The following WDR62 variants were observed in gnomAD, a reference collection of about 807,000 sequenced individuals.
WDR62 encodes WD repeat-containing protein 62.
A neutral mutation model predicts 160.6 loss-of-function variants in WDR62; 112 were observed. The ratio of observed to expected loss-of-function variants is 0.70; its 90% CI spans 0.60 to 0.82. The LOEUF (loss-of-function observed/expected upper bound fraction) is 0.82, where lower values mean the gene tolerates loss of function less well. Among genes scored for constraint, WDR62 ranks in the 40% least tolerant of loss-of-function variants. The probability of loss-of-function intolerance (pLI) is 0.00; values close to 1 mark genes in which losing one functional copy is unlikely to be tolerated. For missense variants in WDR62, 1,819 were observed against 1,983.8 expected, an observed-to-expected ratio of 0.92 and a Z score of 1.58; for synonymous variants, 792 against 815.1, an observed-to-expected ratio of 0.97 and a Z score of 0.48.
At chr19:36,069,524 G>A (rs1971164869) in intron 7 of WDR62, among the ~76,000 whole-genome samples, 1 of 151,970 alleles carries the variant, frequency 6.6e-6, no homozygotes, top group Non-Finnish European at 1.5e-5. Context: ...GCCGAGCAGA[G>A]GGGCTCCTCA....
chr19:36,103,571 C>T lies in WDR62; in HGVS notation c.3743C>T (p.Pro1248Leu), dbSNP rs1274785961. ...EGPIVATLAQ[P>L]LRRPSSVGEL... Reference sequence around the variant, plus strand: ...CCTATCGTGGCCACACTGGCCCAGCCCCTCCGTAGGCCATCGTCCGTTGGG... The same window carrying T: ...CCTATCGTGGCCACACTGGCCCAGCTCCTCCGTAGGCCATCGTCCGTTGGG... Residue 1248 changes from proline to leucine, a missense_variant, in exon 30 of 32, where the codon CCC becomes CTC. By Grantham distance (98) the Pro-to-Leu change is moderately conservative (BLOSUM62 -3). This residue lies in a region of WDR62 where 770 missense variants were observed against 734.2 expected (regional missense o/e 1.05). Transcript: ENST00000401500. The T allele has an allele frequency of 2.5e-6, 4 of 1,613,886 alleles. No homozygotes were observed. The highest frequency in any genetic ancestry group is 3.4e-6 in the Non-Finnish European group (4 of 1,180,024).
intron 8 of WDR62, among the ~76,000 whole-genome samples, chr19:36,073,100 A>C (rs1268812231): frequency 1.3e-5 from 2 of 152,188 alleles, no homozygotes; most frequent in Non-Finnish European, 2.9e-5. Context: ...ATAAATGTTC[A>C]TAGGAATCAA....
At chr19:36,059,200 G>C in intron 2 of WDR62, 1 of 478,934 alleles carries the variant, frequency 2.1e-6, no homozygotes. Context: ...GCTGCTCTCT[G>C]AGCCTCTTCC....
At chr19:36,104,030 G>A in intron 30 of WDR62, 49 bp downstream of exon 30, 1 of 1,595,012 alleles carries the variant, frequency 6.3e-7, no homozygotes, top group Non-Finnish European at 8.5e-7. Flanking sequence ...CATCCTGTGT[G>A]CTAGTTGGCT....
chr19:36,105,506 G>A (rs767032829), downstream of WDR62, among the ~76,000 whole-genome samples: 2 of 151,536 alleles, frequency 1.3e-5, no homozygotes, highest in Non-Finnish European at 2.9e-5. Flanking sequence ...CAAAGTCCAC[G>A]GTGGTGGTGT....
At chr19:36,092,627 A>G in intron 18 of WDR62, 62 bp from the exon 19 acceptor site, 8 of 1,610,282 alleles carry the variant, frequency 5.0e-6, no homozygotes, top group Non-Finnish European at 6.8e-6. Context: ...AGGGTCAGCC[A>G]CGGCAGCGGC....
intron 13 of WDR62, among the ~76,000 whole-genome samples, chr19:36,087,302 C>T (rs146370085): frequency 0.011 from 1,607 of 151,852 alleles, 28 homozygotes; most frequent in African/African-American, 0.037. Context: ...GTCAGGAGTT[C>T]GAGACCAGTC....
In WDR62 at chr19:36,067,899, T is replaced by C. The variant is rs761857746; in HGVS notation, c.771T>C (p.Gly257=). 1 of 1,614,194 alleles carries C rather than the reference T, an allele frequency of 6.2e-7. No individual in the cohort carries two copies. Among genetic ancestry groups the C allele is most frequent in the Non-Finnish European group, 8.5e-7 (1 of 1,180,030 alleles). The change falls in exon 7 of 32, where the codon GGT becomes GGC. Residue 257 remains glycine, a synonymous_variant. Transcript: ENST00000401500. ...AGCTGCACAACAACATCTTCTGTGGTGTGGCCTGCGGTCGGGGCCGGATGG... is the reference window on the plus strand; with the variant it reads ...AGCTGCACAACAACATCTTCTGTGGCGTGGCCTGCGGTCGGGGCCGGATGG... ...LGELHNNIFC[G]VACGRGRMAG... is the part of the protein sequence containing the mutation.
At chr19:36,100,409 C>T (rs1973255521) in intron 22 of WDR62, among the ~76,000 whole-genome samples, 1 of 152,194 alleles carries the variant, frequency 6.6e-6, no homozygotes, top group Non-Finnish European at 1.5e-5. Flanking sequence ...GTGTTTTCTA[C>T]CTCATAGAAA....
intron 21 of WDR62, 91 bp from the exon 22 acceptor site, chr19:36,099,308 A>G (rs770571319): frequency 3.0e-5 from 31 of 1,025,798 alleles, no homozygotes; most frequent in Non-Finnish European, 4.1e-5. Context: ...TTGAAAGCCA[A>G]GAGTCCAGAT....
chr19:36,093,765 C>T lies in WDR62; in HGVS notation c.2334-266C>T, dbSNP rs537418165. 4.6e-5 allele frequency among the ~76,000 whole-genome samples: 7 copies of T among 152,350 alleles called. No homozygotes were observed. In the South Asian group the frequency reaches 8.3e-4, roughly 18 times the overall value. ...GAAGCCCAGCACAGGACTGCAGCCCCGCTGTCTGCTTGGCTTTCTGTCCCA... is the reference window on the plus strand; with the variant it reads ...GAAGCCCAGCACAGGACTGCAGCCCTGCTGTCTGCTTGGCTTTCTGTCCCA... On this transcript the variant is annotated intron_variant, in intron 19 of 31. Transcript: ENST00000401500.
intron 7 of WDR62, chr19:36,070,989 C>T (rs1389866616): frequency 1.3e-5 from 2 of 157,052 alleles, no homozygotes; most frequent in African/African-American, 4.8e-5. Context: ...AGGTGGATCA[C>T]CTGAGGTCAG....
chr19:36,083,038 G>T, intron 10 of WDR62, 25 bp from the exon 11 acceptor site: 1 of 1,604,786 alleles, frequency 6.2e-7, no homozygotes, highest in South Asian at 1.1e-5. Context: ...TGCTCGTGCT[G>T]ACCTCAGCCC....
chr19:36,090,030 TGGG>T (rs1409700916), intron 15 of WDR62, among the ~76,000 whole-genome samples: 2 of 152,092 alleles, frequency 1.3e-5, no homozygotes, highest in Non-Finnish European at 2.9e-5. Context: ...TGGTCAGAGA[TGGG>T]GGAGCCCAGG....
intron 12 of WDR62, among the ~76,000 whole-genome samples, chr19:36,085,382 C>CTGGGATTAGG (rs1408522474): frequency 7.3e-6 from 1 of 136,660 alleles, no homozygotes; most frequent in Non-Finnish European, 1.5e-5. Context: ...TCCCAAAGCG[C>CTGGGATTAGG]TGGGATTAGG....
In WDR62 at chr19:36,073,543, C is replaced by T. The variant is rs756083731; in HGVS notation, c.1233+12C>T. On this transcript the variant is annotated intron_variant, in intron 9 of 31. Coordinates refer to ENST00000401500, the MANE Select transcript of WDR62 (RefSeq NM_001083961.2). ...TTTGGAACGTGGAGGTGAGCCCCCCCCCCACCCCCTTGCCCCTGCTTGGCC... is the reference window on the plus strand; with the variant it reads ...TTTGGAACGTGGAGGTGAGCCCCCCTCCCACCCCCTTGCCCCTGCTTGGCC... 7.1e-7 allele frequency: 1 copy of T among 1,400,720 alleles called. No homozygotes were observed. Among genetic ancestry groups the T allele is most frequent in the Middle Eastern group, 1.8e-4 (1 of 5,546 alleles). The allele number at this position is 1,400,720 out of a possible 1,614,324, so 86.8% of individuals were successfully genotyped here.
At chr19:36,098,783 CAT>C (rs1194720793) in intron 21 of WDR62, among the ~76,000 whole-genome samples, 1 of 152,164 alleles carries the variant, frequency 6.6e-6, no homozygotes, top group East Asian at 1.9e-4. Context: ...AGAGCAGTCA[CAT>C]GTGCAATTCT....
rs777928878 is a variant in WDR62 at position 36,066,432 on chromosome 19, G to C, written c.561+5G>C. 1 of 1,588,906 alleles carries C rather than the reference G, an allele frequency of 6.3e-7. No individual in the cohort carries two copies. Among genetic ancestry groups the C allele is most frequent in the East Asian group, 2.3e-5 (1 of 43,308 alleles). ...CTCAACGTCTGGGACTGGAAGGTAA[G>C]AGCCGACCAGCAGGCCTGTGGCAGG... On this transcript the variant is annotated splice_donor_5th_base_variant and intron_variant, in intron 5 of 31. Coordinates refer to ENST00000401500, the MANE Select transcript of WDR62 (RefSeq NM_001083961.2).
At chr19:36,086,662 C>G in intron 12 of WDR62, 25 bp from the exon 13 acceptor site, 6 of 1,589,106 alleles carry the variant, frequency 3.8e-6, no homozygotes, top group Non-Finnish European at 5.1e-6. Context: ...CCTTCAGGAA[C>G]CAGTCTCATT....
Sources: gnomAD v4.1 joint callset for allele counts (sites outside exome capture counted in the v4.1 genomes callset) on GRCh38, gnomAD v4.1.1 for gene constraint, gnomAD v4.1.1 regional missense constraint, MANE v1.5 for transcripts, NCBI Gene and HGNC (gene_info 2026-07-23, HGNC 2026-07-21) for gene names.